The following TAOK1 variants were observed in gnomAD, a reference collection of about 807,000 sequenced individuals.
TAOK1 encodes the protein TAO kinase 1, also known as serine/threonine-protein kinase TAO1.
A neutral mutation model predicts 138.3 loss-of-function variants in TAOK1; 21 were observed. The ratio of observed to expected loss-of-function variants is 0.15; its 90% CI spans 0.11 to 0.22. The LOEUF is 0.22. Among genes scored for constraint, TAOK1 ranks in the 10% least tolerant of loss-of-function variants. The pLI, the probability that TAOK1 is intolerant of heterozygous loss-of-function variation, is 1.00. For synonymous variants in TAOK1, 361 were observed against 398.4 expected, an observed-to-expected ratio of 0.91 and a Z score of 1.12; for missense variants, 651 against 1,227.7, an observed-to-expected ratio of 0.53 and a Z score of 7.02.
chr17:29,538,220 G>A (rs1463223754), intron 19 of TAOK1, among the ~76,000 whole-genome samples: 2 of 151,950 alleles, frequency 1.3e-5, no homozygotes, highest in Non-Finnish European at 2.9e-5. Flanking sequence ...AATGTTTATG[G>A]TGTGTTGAAC....
At chr17:29,503,120 G>A (rs1313924261) in intron 13 of TAOK1, among the ~76,000 whole-genome samples, 1 of 152,116 alleles carries the variant, frequency 6.6e-6, no homozygotes, top group African/African-American at 2.4e-5. Context: ...ATGTGGGCCG[G>A]GCACAGTGGC....
chr17:29,523,599 G>A (rs766396484), intron 17 of TAOK1, among the ~76,000 whole-genome samples: 32 of 152,050 alleles, frequency 2.1e-4, no homozygotes, highest in Non-Finnish European at 1.8e-4. Flanking sequence ...TGTTAGCCAG[G>A]ATGGTCTCAA....
At chr17:29,476,589 C>T (rs1426986397) in intron 4 of TAOK1, among the ~76,000 whole-genome samples, 1 of 152,108 alleles carries the variant, frequency 6.6e-6, no homozygotes, top group Non-Finnish European at 1.5e-5. Context: ...TTCAAAGAAA[C>T]AGTTGTAACC....
chr17:29,517,052 T>A (rs2031829654), intron 15 of TAOK1, among the ~76,000 whole-genome samples: 3 of 151,346 alleles, frequency 2.0e-5, no homozygotes, highest in Non-Finnish European at 2.9e-5. Flanking sequence ...AGTGGCGAGA[T>A]CTCAGCTCAC....
chr17:29,400,390 CA>C (rs565898026), intron 1 of TAOK1, among the ~76,000 whole-genome samples: 1,105 of 81,940 alleles, frequency 0.013, 11 homozygotes, highest in African/African-American at 0.038. Context: ...AACTCCGTCT[CA>C]AAAAAAAAAA....
intron 9 of TAOK1, 27 bp downstream of exon 9, chr17:29,489,784 T>C: frequency 6.8e-7 from 1 of 1,473,916 alleles, no homozygotes; most frequent in Non-Finnish European, 9.2e-7. Context: ...TATATATTGC[T>C]CAGTGTTGAA....
Position 29,467,209 on chromosome 17 carries a change from C to A in TAOK1, c.197C>A (p.Ser66Tyr). The change falls in exon 3 of 20, where the codon TCT becomes TAT. Residue 66 changes from serine (S) to tyrosine (Y), a missense_variant. By Grantham distance (144) the Ser-to-Tyr change is moderately radical (BLOSUM62 -2). Transcript: ENST00000261716. ...IKKMSYSGKQ[S>Y]TEKWQDIIKE... ...AAAATGTCTTATAGTGGAAAGCAGT[C>A]TACTGAGGTAGGTTAAATATGTACA... The A allele has an allele frequency of 6.3e-7, 1 of 1,596,148 alleles. No individual in the cohort carries two copies.
intron 1 of TAOK1, among the ~76,000 whole-genome samples, chr17:29,422,841 T>C (rs1468831553): frequency 6.6e-6 from 1 of 152,084 alleles, no homozygotes; most frequent in African/African-American, 2.4e-5. Flanking sequence ...TTGACCAACA[T>C]AGTGAAACCC....
In TAOK1 at chr17:29,544,736, C is replaced by G. The variant is rs531693085; in HGVS notation, c.*1714C>G. On this transcript the variant is annotated 3_prime_UTR_variant, in exon 20 of 20. Coordinates refer to ENST00000261716, the MANE Select transcript of TAOK1 (RefSeq NM_020791.4). ...TTCAGTGACAAATCAGAGTTTCTTA[C>G]AAGTTATTGTCCTGCTCCCTTCCAA... The G allele has an allele frequency of 6.6e-6, 1 of 152,152 alleles. No individual in the cohort carries two copies. Among genetic ancestry groups the G allele is most frequent in the African/African-American group, 2.4e-5 (1 of 41,426 alleles). 9.4% of individuals were successfully genotyped at this position (152,152 alleles called of 1,614,324 possible). A position where few individuals can be genotyped will look rare whatever the true frequency, so the allele number is the denominator to read the frequency against.
At chr17:29,531,671 G>A (rs2032111525) in intron 18 of TAOK1, among the ~76,000 whole-genome samples, 2 of 151,386 alleles carry the variant, frequency 1.3e-5, no homozygotes, top group South Asian at 4.2e-4. Flanking sequence ...GCGGAGGCGG[G>A]AGAATCACCT....
At chr17:29,411,267 A>T (rs1905137001) in intron 1 of TAOK1, among the ~76,000 whole-genome samples, 1 of 138,102 alleles carries the variant, frequency 7.2e-6, no homozygotes, top group East Asian at 2.3e-4. Flanking sequence ...AATTTTTTGT[A>T]TTTTTAGTAG....
chr17:29,412,188 A>G (rs1598469766), intron 1 of TAOK1, among the ~76,000 whole-genome samples: 1 of 152,094 alleles, frequency 6.6e-6, no homozygotes, highest in African/African-American at 2.4e-5. Flanking sequence ...GACTACAGGC[A>G]TGCGCCACCA....
In TAOK1 at chr17:29,498,351, G is replaced by A; in HGVS notation, c.1033G>A (p.Val345Ile). The A allele has an allele frequency of 6.2e-7, 1 of 1,614,188 alleles. No individual in the cohort carries two copies. The change falls in exon 12 of 20, where the codon GTT (valine) becomes ATT (isoleucine). Residue 345 changes from valine (V) to isoleucine (I), a missense_variant. By Grantham distance (29) the Val-to-Ile change is conservative. Coordinates refer to ENST00000261716, the MANE Select transcript of TAOK1 (RefSeq NM_020791.4). Reference protein sequence around the residue: ...QDHGVGRTGTVNSVGSNQSIP... With the variant: ...QDHGVGRTGTINSVGSNQSIP... ...TCATGGTGTTGGCCGGACAGGAACA[G>A]TTAATAGTGTTGGAAGTAATCAATC...
At position 29,518,756 on chromosome 17, in the gene TAOK1, C is replaced by CTATTTATT. The variant is rs58735347; in HGVS notation, c.1908+1122_1908+1129dup. Among the ~76,000 whole-genome samples the CTATTTATT allele has an allele frequency of 1.3e-4, 16 of 126,072 alleles. No individual in the cohort carries two copies. The South Asian group carries it at 2.2e-3, about 17-fold the overall frequency. 82.7% of individuals were successfully genotyped at this position (126,072 alleles called of 152,430 possible). A position where few individuals can be genotyped will look rare whatever the true frequency, so the allele number is the denominator to read the frequency against. On this transcript the variant is annotated intron_variant, in intron 16 of 19. Transcript: ENST00000261716. ...TTTTTATTTTTTATTTTTACTTTAT[C>CTATTTATT]TATTTATTTATTTATTTATTTATTT... is the stretch of plus-strand genomic sequence containing the variant.
Position 29,489,767 on chromosome 17 carries a change from G to A in TAOK1, c.749+10G>A, listed in dbSNP as rs189949891. ...TACAGTCTAATGAATGGTGAGTATT[G>A]TTAATATATATATTGCTCAGTGTTG... On this transcript the variant is annotated intron_variant, in intron 9 of 19. Coordinates refer to ENST00000261716, the MANE Select transcript of TAOK1 (RefSeq NM_020791.4). The A allele has an allele frequency of 9.5e-5, 147 of 1,550,126 alleles. 1 individual carries two copies. The African/African-American group carries it at 1.6e-3, about 17-fold the overall frequency.
At chr17:29,410,867 T>G (rs1201915992) in intron 1 of TAOK1, among the ~76,000 whole-genome samples, 2 of 151,670 alleles carry the variant, frequency 1.3e-5, no homozygotes, top group Admixed American at 6.6e-5. Flanking sequence ...ACTCCTGACC[T>G]CAGGTGATCC....
rs761962930 is a variant in TAOK1 at position 29,468,135 on chromosome 17, A to ATTTTTT, written c.204+931_204+936dup. Reference sequence around the variant, plus strand: ...AACCACTGTGCTTGGCCTGCTTTCAATTTTTTTTTTTTTTTTTAGGAGCTG... The same window carrying ATTTTTT: ...AACCACTGTGCTTGGCCTGCTTTCAATTTTTTTTTTTTTTTTTTTTTTTAGGAGCTG... On this transcript the variant is annotated intron_variant, in intron 3 of 19. Transcript: ENST00000261716. Among the ~76,000 whole-genome samples, 258 of 76,058 alleles carry ATTTTTT rather than the reference A, an allele frequency of 3.4e-3. 37 individuals carry two copies. The highest frequency in any genetic ancestry group is 9.1e-3 in the Middle Eastern group (1 of 110). The allele number at this position is 76,058 out of a possible 152,430, so 49.9% of individuals were successfully genotyped here. A position where few individuals can be genotyped will look rare whatever the true frequency, so the allele number is the denominator to read the frequency against.
At chr17:29,532,937 G>T (rs2032147470) in intron 18 of TAOK1, among the ~76,000 whole-genome samples, 1 of 143,986 alleles carries the variant, frequency 6.9e-6, no homozygotes, top group Non-Finnish European at 1.5e-5. Context: ...CGGGTGGGGG[G>T]CTGACCCCCC....
chr17:29,530,387 G>A lies in TAOK1; in HGVS notation c.2149-20G>A, dbSNP rs932381097. 3 of 1,602,930 alleles carry A rather than the reference G, an allele frequency of 1.9e-6. No individual in the cohort carries two copies. The highest frequency in any genetic ancestry group is 3.4e-5 in the Admixed American group (2 of 59,644). On this transcript the variant is annotated intron_variant, in intron 17 of 19. Transcript: ENST00000261716. ...GCCTTTCGTTACAACTTACATAAAT[G>A]TATTTTTTTTTCTTCCCAGTCTAAA...
Sources: allele counts gnomAD v4.1 joint callset (sites outside exome capture counted in the v4.1 genomes callset), GRCh38; gene constraint gnomAD v4.1.1; transcripts MANE v1.5; gene names NCBI Gene and HGNC (gene_info 2026-07-23, HGNC 2026-07-21).